Variants in FAM117A observed in about 807,000 individuals in gnomAD.
The protein encoded by FAM117A is protein FAM117A.
In FAM117A, 21 loss-of-function variants were observed where a neutral mutation model predicts 44.1. The ratio of observed to expected loss-of-function variants is 0.48; its 90% CI spans 0.34 to 0.69. The LOEUF is 0.69. Among genes scored for constraint, FAM117A ranks in the 30% least tolerant of loss-of-function variants. FAM117A has a pLI of 0.01. For missense variants in FAM117A, 498 were observed against 589.9 expected, an observed-to-expected ratio of 0.84 and a Z score of 1.61; for synonymous variants, 220 against 238.3, an observed-to-expected ratio of 0.92 and a Z score of 0.71.
intron 1 of FAM117A, among the ~76,000 whole-genome samples, chr17:49,758,297 C>T (rs2073706865): frequency 6.6e-6 from 1 of 151,106 alleles, no homozygotes; most frequent in Non-Finnish European, 1.5e-5. Context: ...TGCCATTGCA[C>T]TCCAGCCTGG....
chr17:49,716,416 G>A (rs546450886), intron 6 of FAM117A, 101 bp from the exon 7 acceptor site: 2 of 1,062,906 alleles, frequency 1.9e-6, no homozygotes, highest in Admixed American at 6.3e-5. Flanking sequence ...GGGGACACAT[G>A]GTAAGGAAGA....
At chr17:49,751,363 G>A (rs561723265) in intron 1 of FAM117A, among the ~76,000 whole-genome samples, 10 of 150,612 alleles carry the variant, frequency 6.6e-5, no homozygotes, top group African/African-American at 1.7e-4. Context: ...GGTGGATCAC[G>A]AGGTCAAGAG....
At chr17:49,729,729 C>A (rs1328092299) in intron 2 of FAM117A, among the ~76,000 whole-genome samples, 1 of 152,028 alleles carries the variant, frequency 6.6e-6, no homozygotes, top group East Asian at 1.9e-4. Context: ...TGGTCTCGAC[C>A]TCCTGACCTT....
chr17:49,757,200 C>A (rs981703018), intron 1 of FAM117A, among the ~76,000 whole-genome samples: 2 of 152,010 alleles, frequency 1.3e-5, no homozygotes, highest in South Asian at 2.1e-4. Flanking sequence ...CTCCACCCCC[C>A]CAGCAACTCT....
upstream of FAM117A, among the ~76,000 whole-genome samples, chr17:49,767,643 G>A (rs963315944): frequency 2.6e-4 from 40 of 152,300 alleles, no homozygotes; most frequent in African/African-American, 8.4e-4. Context: ...GGTGGCTCAC[G>A]CCTGTAATCC....
At chr17:49,776,886 G>GT in intron 1 of FAM117A, among the ~76,000 whole-genome samples, 1 of 152,270 alleles carries the variant, frequency 6.6e-6, no homozygotes, top group South Asian at 2.1e-4. Context: ...GGAAGAGGAG[G>GT]TAAGAATCCA....
chr17:49,714,944 G>A (rs559125657), intron 7 of FAM117A, among the ~76,000 whole-genome samples: 34 of 152,224 alleles, frequency 2.2e-4, no homozygotes, highest in African/African-American at 7.2e-4. Context: ...CCACTGCACC[G>A]AGCCCACCAC....
chr17:49,780,068 TTAAA>T (rs1180172180), intron 1 of FAM117A, among the ~76,000 whole-genome samples: 1 of 152,210 alleles, frequency 6.6e-6, no homozygotes, highest in East Asian at 1.9e-4. Flanking sequence ...CTAGTTTGCC[TTAAA>T]TAGAGAAAAT....
chr17:49,759,184 CTA>C (rs934389091), intron 1 of FAM117A, among the ~76,000 whole-genome samples: 1 of 152,220 alleles, frequency 6.6e-6, no homozygotes, highest in Non-Finnish European at 1.5e-5. Flanking sequence ...TCTCTTAGCT[CTA>C]TGTTATATAA....
intron 1 of FAM117A, among the ~76,000 whole-genome samples, chr17:49,787,445 G>C (rs1038077666): frequency 5.9e-5 from 9 of 152,224 alleles, no homozygotes; most frequent in African/African-American, 2.2e-4. Context: ...CATCCCCAAG[G>C]AGAGTGCTGG....
At chr17:49,774,967 T>C (rs1447876779) in intron 1 of FAM117A, among the ~76,000 whole-genome samples, 1 of 152,228 alleles carries the variant, frequency 6.6e-6, no homozygotes, top group Non-Finnish European at 1.5e-5. Context: ...TCTGACTCCC[T>C]AAGTTTCACT....
chr17:49,764,009 C>T lies in FAM117A; in HGVS notation c.79G>A (p.Gly27Ser). Reference sequence around the variant, plus strand: ...CCGGCGGGGGCTGGGGGAGAGCAGCCCCGCCGGAGCCCCCCGGCCCCTCCG... The same window carrying T: ...CCGGCGGGGGCTGGGGGAGAGCAGCTCCGCCGGAGCCCCCCGGCCCCTCCG... ...GRGGAGGLRR[G>S]CSPPAPAGSP... is the part of the protein sequence containing the mutation. Residue 27 changes from glycine to serine, a missense_variant, in exon 1 of 8, where the codon GGC becomes AGC. Physicochemically the swap from Gly to Ser is moderately conservative, Grantham distance 56. Transcript: ENST00000240364. 1.7e-6 allele frequency: 2 copies of T among 1,207,932 alleles called. No homozygotes were observed. The highest frequency in any genetic ancestry group is 2.1e-6 in the Non-Finnish European group (2 of 968,608). The allele number at this position is 1,207,932 out of a possible 1,614,324, so 74.8% of individuals were successfully genotyped here. A position where few individuals can be genotyped will look rare whatever the true frequency, so the allele number is the denominator to read the frequency against.
chr17:49,762,588 G>T (rs2073726373), intron 1 of FAM117A, among the ~76,000 whole-genome samples: 1 of 152,222 alleles, frequency 6.6e-6, no homozygotes, highest in Non-Finnish European at 1.5e-5. Context: ...TACTACTTCT[G>T]TAATAGCCCT....
Position 49,714,678 on chromosome 17 carries a change from ACT to A in FAM117A, c.1061+1485_1061+1486del, listed in dbSNP as rs896357163. ...TTTTTTTTTTTTGAGATGGAGACTC[ACT>A]CTGTTGCCCAGGCTGGAGTGCGGTG... On this transcript the variant is annotated intron_variant, in intron 7 of 7. Transcript: ENST00000240364. Among the ~76,000 whole-genome samples, 4 of 141,236 alleles carry A rather than the reference ACT, an allele frequency of 2.8e-5. No homozygotes were observed. The Admixed American group carries it at 2.9e-4, about 10-fold the overall frequency. The allele number at this position is 141,236 out of a possible 152,430, so 92.7% of individuals were successfully genotyped here.
intron 7 of FAM117A, among the ~76,000 whole-genome samples, chr17:49,715,116 A>G (rs1183472560): frequency 6.6e-6 from 1 of 152,212 alleles, no homozygotes; most frequent in Non-Finnish European, 1.5e-5. Context: ...GAGGGAGGGT[A>G]CAAGAGTCTA....
chr17:49,736,882 G>C (rs1261574112), intron 1 of FAM117A, among the ~76,000 whole-genome samples: 1 of 152,174 alleles, frequency 6.6e-6, no homozygotes, highest in Admixed American at 6.5e-5. Flanking sequence ...TAGGGTATTT[G>C]TAACTCCTAG....
intron 1 of FAM117A, among the ~76,000 whole-genome samples, chr17:49,741,520 GT>G (rs967296750): frequency 5.9e-5 from 9 of 151,740 alleles, no homozygotes; most frequent in African/African-American, 1.9e-4. Flanking sequence ...TCTACAACCT[GT>G]TTTTTTTCAG....
At chr17:49,713,683 A>AT (rs533312862) in intron 7 of FAM117A, among the ~76,000 whole-genome samples, 40 of 151,546 alleles carry the variant, frequency 2.6e-4, no homozygotes, top group South Asian at 2.5e-3. Context: ...ATATTTTAAC[A>AT]TTTTTTGTAG....
chr17:49,753,657 A>T (rs560141403), intron 1 of FAM117A, among the ~76,000 whole-genome samples: 1 of 152,086 alleles, frequency 6.6e-6, no homozygotes, highest in African/African-American at 2.4e-5. Flanking sequence ...TTCTATCACA[A>T]ATAAAAAAAT....
Sources: allele counts gnomAD v4.1 joint callset (sites outside exome capture counted in the v4.1 genomes callset), GRCh38; gene constraint gnomAD v4.1.1; transcripts MANE v1.5; gene names NCBI Gene and HGNC (gene_info 2026-07-23, HGNC 2026-07-21).